SLIT3: variants seen among roughly 807,000 people sequenced by gnomAD.
The protein encoded by SLIT3 is slit homolog 3 protein.
Under a neutral mutation model 184.0 loss-of-function variants are expected in SLIT3, and 68 were observed. The ratio of observed to expected loss-of-function variants is 0.37; its 90% CI spans 0.30 to 0.45. The LOEUF (loss-of-function observed/expected upper bound fraction) is 0.45. Ranked by LOEUF, SLIT3 falls within the 20% of genes least tolerant of loss-of-function variation. The probability of loss-of-function intolerance (pLI) is 1.00; values close to 1 mark genes in which losing one functional copy is unlikely to be tolerated. For synonymous variants in SLIT3, 831 were observed against 828.6 expected (o/e 1.00, Z -0.05); for missense variants, 1,707 against 2,026.0 (o/e 0.84, Z 3.02).
chr5:168,680,708 C>T (rs1438788152), intron 32 of SLIT3, among the ~76,000 whole-genome samples: 1 of 152,192 alleles, frequency 6.6e-6, no homozygotes. Flanking sequence ...CTCCATTAAC[C>T]CCAGCCCTCC....
intron 4 of SLIT3, among the ~76,000 whole-genome samples, chr5:169,128,226 TTATA>T (rs1176789984): frequency 1.4e-5 from 2 of 147,576 alleles, no homozygotes; most frequent in Non-Finnish European, 3.0e-5. Context: ...GGGTCATGGA[TTATA>T]TATATACACA....
Position 169,193,493 on chromosome 5 carries a change from C to T in SLIT3, c.399G>A (p.Pro133=), listed in dbSNP as rs141749397. 3.2e-5 allele frequency: 52 copies of T among 1,613,876 alleles called. No homozygotes were observed. Among genetic ancestry groups the T allele is most frequent in the African/African-American group, 3.2e-4 (24 of 74,916 alleles). The change falls in exon 4 of 36, where the codon CCG becomes CCA. Residue 133 remains proline, a synonymous_variant. Coordinates refer to ENST00000519560, the MANE Select transcript of SLIT3 (RefSeq NM_003062.4). ...VLPELLFQST[P]KLTRLDLSEN... is the part of the protein sequence containing the mutation. ...ACTCTACTCACAGTCTGGTGAGCTTCGGCGTGCTCTGGAAAAGCAATTCTG... is the reference window on the plus strand; with the variant it reads ...ACTCTACTCACAGTCTGGTGAGCTTTGGCGTGCTCTGGAAAAGCAATTCTG...
intron 20 of SLIT3, among the ~76,000 whole-genome samples, chr5:168,736,442 C>G (rs1763436987): frequency 6.6e-6 from 1 of 152,220 alleles, no homozygotes. Context: ...CAGTCTCTCT[C>G]CCTGGGCCAG....
chr5:168,670,712 C>T (rs924316041), intron 34 of SLIT3, among the ~76,000 whole-genome samples: 22 of 152,126 alleles, frequency 1.4e-4, no homozygotes, highest in Non-Finnish European at 5.9e-5. Flanking sequence ...TTAGTTTTGG[C>T]TGATTCAGGT....
intron 4 of SLIT3, among the ~76,000 whole-genome samples, chr5:169,143,798 A>C (rs530649989): frequency 3.9e-5 from 6 of 152,328 alleles, no homozygotes; most frequent in Non-Finnish European, 8.8e-5. Flanking sequence ...AGAAAACGAA[A>C]AAAAACAACA....
intron 2 of SLIT3, among the ~76,000 whole-genome samples, chr5:169,247,223 A>T (rs918555120): frequency 7.6e-6 from 1 of 131,720 alleles, no homozygotes; most frequent in Non-Finnish European, 1.6e-5. Flanking sequence ...CTCAAAAAAA[A>T]AAAAAAAAAT....
intron 4 of SLIT3, among the ~76,000 whole-genome samples, chr5:169,179,807 G>A (rs952550472): frequency 6.6e-6 from 1 of 152,090 alleles, no homozygotes; most frequent in East Asian, 1.9e-4. Context: ...TAGTGAGAGG[G>A]AATAGCAGAT....
At chr5:168,867,539 T>C (rs116675864) in intron 5 of SLIT3, among the ~76,000 whole-genome samples, 1,615 of 152,318 alleles carry the variant, frequency 0.011, 27 homozygotes, top group African/African-American at 0.036. Context: ...GCAAAGTCAC[T>C]CACTTCTGGA....
chr5:168,766,059 T>C (rs1755334317), intron 14 of SLIT3, among the ~76,000 whole-genome samples: 1 of 152,144 alleles, frequency 6.6e-6, no homozygotes, highest in Non-Finnish European at 1.5e-5. Context: ...GGAGCCAAGC[T>C]CCCATGTTTG....
intron 16 of SLIT3, among the ~76,000 whole-genome samples, chr5:168,755,617 G>A (rs915894340): frequency 2.0e-5 from 3 of 151,874 alleles, no homozygotes; most frequent in African/African-American, 7.3e-5. Context: ...TGTATTTTTA[G>A]TAGAGATAGG....
intron 4 of SLIT3, among the ~76,000 whole-genome samples, chr5:169,014,054 T>A (rs547306997): frequency 6.6e-6 from 1 of 152,086 alleles, no homozygotes; most frequent in Non-Finnish European, 1.5e-5. Flanking sequence ...CTGCCTGGTA[T>A]TACAGAGAAG....
At chr5:168,998,893 C>G (rs1581282320) in intron 4 of SLIT3, among the ~76,000 whole-genome samples, 1 of 143,190 alleles carries the variant, frequency 7.0e-6, no homozygotes, top group South Asian at 2.3e-4. Context: ...ACCCAGAAAT[C>G]TGTGTGTGTG....
chr5:168,983,176 G>C (rs1407095497), intron 4 of SLIT3, among the ~76,000 whole-genome samples: 1 of 152,174 alleles, frequency 6.6e-6, no homozygotes, highest in Non-Finnish European at 1.5e-5. Flanking sequence ...AAAAGGCTAA[G>C]TCAGATTTCC....
At position 168,712,306 on chromosome 5, in the gene SLIT3, G is replaced by A. The variant is rs749729894; in HGVS notation, c.2532C>T (p.Asn844=). ...DISSVPEGSF[N]DLTSLSHLAL... The stretch of plus-strand genomic sequence containing the variant: ...ACAGATGGGAAAGAGATGTGAGGTC[G>A]TTGAAGGAGCCTTCAGGAACGCTGG... The change falls in exon 24 of 36, where the codon AAC becomes AAT. Residue 844 remains asparagine, a synonymous_variant. Coordinates refer to ENST00000519560, the MANE Select transcript of SLIT3 (RefSeq NM_003062.4). The A allele has an allele frequency of 9.9e-6, 16 of 1,613,984 alleles. No homozygotes were observed. The highest frequency in any genetic ancestry group is 5.3e-5 in the African/African-American group (4 of 74,946).
chr5:168,952,587 AG>A lies in SLIT3; in HGVS notation c.414-69252del, dbSNP rs1335816139. ...AAAGGGATTTAAAAAAAAAAAAAAA[AG>A]ACAGAGAGGGAGAGAACAAAAGGCA... On this transcript the variant is annotated intron_variant, in intron 4 of 35. Transcript: ENST00000519560. 9.7e-3 allele frequency among the ~76,000 whole-genome samples: 1,431 copies of A among 146,836 alleles called. 31 individuals carry two copies. Among genetic ancestry groups the A allele is most frequent in the African/African-American group, 0.035 (1,313 of 38,046 alleles).
chr5:168,841,996 T>C (rs1247969772), intron 6 of SLIT3, among the ~76,000 whole-genome samples: 2 of 152,244 alleles, frequency 1.3e-5, no homozygotes, highest in African/African-American at 4.8e-5. Flanking sequence ...CAAGCTAATG[T>C]GTAATACTGT....
intron 4 of SLIT3, among the ~76,000 whole-genome samples, chr5:169,173,524 A>G (rs762602513): frequency 1.3e-5 from 2 of 151,994 alleles, no homozygotes; most frequent in Non-Finnish European, 2.9e-5. Context: ...ACAAGGGCAC[A>G]CCCTTCCTGA....
chr5:169,240,787 G>T, intron 3 of SLIT3, among the ~76,000 whole-genome samples: 2 of 149,024 alleles, frequency 1.3e-5, no homozygotes, highest in African/African-American at 2.5e-5. Context: ...TTTGTTCTAT[G>T]TTCATTTTCC....
At chr5:168,992,960 G>C (rs1050763247) in intron 4 of SLIT3, 5 of 152,198 alleles carry the variant, frequency 3.3e-5, no homozygotes, top group African/African-American at 4.8e-5. Context: ...AGCCCAGAGC[G>C]AGGCGCAAGC....
Sources: gnomAD v4.1 joint callset for allele counts (sites outside exome capture counted in the v4.1 genomes callset) on GRCh38, gnomAD v4.1.1 for gene constraint, MANE v1.5 for transcripts, NCBI Gene and HGNC (gene_info 2026-07-23, HGNC 2026-07-21) for gene names.